Variants in MAPKAPK2 observed in about 807,000 individuals in gnomAD.
MAPKAPK2 encodes MAPK activated protein kinase 2, also known as MAP kinase-activated protein kinase 2.
Under a neutral mutation model 48.8 loss-of-function variants are expected in MAPKAPK2, and 9 were observed. The observed-to-expected ratio is 0.18, with a 90% CI of 0.11 to 0.32. The LOEUF (loss-of-function observed/expected upper bound fraction) is 0.32. MAPKAPK2 is among the 10% of genes least tolerant of loss of function. The pLI is 1.00. For missense variants in MAPKAPK2, 331 were observed against 498.3 expected (o/e 0.66, Z 3.20); for synonymous variants, 202 against 190.6 (o/e 1.06, Z -0.49).
intron 1 of MAPKAPK2, chr1:206,695,967 G>T: frequency 1.4e-6 from 1 of 723,224 alleles, no homozygotes; most frequent in Non-Finnish European, 2.6e-6. Flanking sequence ...AGGGGTCTTG[G>T]TTCTACTTCC....
chr1:206,685,156 G>C lies in MAPKAPK2; in HGVS notation c.-74G>C, dbSNP rs1343631282. On this transcript the variant is annotated 5_prime_UTR_variant, in exon 1 of 10. Transcript: ENST00000367103. The stretch of plus-strand genomic sequence containing the variant: ...ACTTCGCAGCCCGTCGGGGGGCGGC[G>C]GGGAGGGGGCCCGGAGCCGGAGGAG... 4.2e-6 allele frequency: 1 copy of C among 240,898 alleles called. No homozygotes were observed. The allele number at this position is 240,898 out of a possible 1,614,324, so 14.9% of individuals were successfully genotyped here. A position where few individuals can be genotyped will look rare whatever the true frequency, so the allele number is the denominator to read the frequency against.
In MAPKAPK2 at chr1:206,731,342, G is replaced by A. The variant is rs189335376; in HGVS notation, c.892+80G>A. The A allele has an allele frequency of 1.3e-5, 20 of 1,586,962 alleles. No homozygotes were observed. In the African/African-American group the frequency reaches 2.0e-4, roughly 16 times the overall value. ...TGTATGTGTGTACACGCAGACACAT[G>A]TATGGGCCTCCATCTCATGTGCGTG... On this transcript the variant is annotated intron_variant, in intron 7 of 9. Coordinates refer to ENST00000367103, the MANE Select transcript of MAPKAPK2 (RefSeq NM_032960.4). This position sits in a 1 kb window ranked among gnomAD's most constrained non-coding sequence, Gnocchi z 5.9.
chr1:206,715,668 C>A (rs1457605030), intron 1 of MAPKAPK2, among the ~76,000 whole-genome samples: 1 of 149,568 alleles, frequency 6.7e-6, no homozygotes, highest in Non-Finnish European at 1.5e-5. Flanking sequence ...ACTCTGTTGC[C>A]CAGGCTGAAG....
intron 1 of MAPKAPK2, among the ~76,000 whole-genome samples, chr1:206,719,842 C>A (rs1415065634): frequency 6.6e-6 from 1 of 152,218 alleles, no homozygotes; most frequent in Non-Finnish European, 1.5e-5. Context: ...GTGGCAGCAT[C>A]TTATTTCTTT....
At chr1:206,697,249 C>T (rs1008938139) in intron 1 of MAPKAPK2, among the ~76,000 whole-genome samples, 1 of 152,228 alleles carries the variant, frequency 6.6e-6, no homozygotes, top group Admixed American at 6.5e-5. Context: ...AGACACGGCA[C>T]AGACACACAG....
At chr1:206,695,271 G>A (rs1299492101) in intron 1 of MAPKAPK2, among the ~76,000 whole-genome samples, 1 of 152,158 alleles carries the variant, frequency 6.6e-6, no homozygotes, top group Admixed American at 6.5e-5. Context: ...CTAACTCTGA[G>A]AACCCTCAGC....
chr1:206,687,215 A>C (rs1257904039), intron 1 of MAPKAPK2, among the ~76,000 whole-genome samples: 1 of 152,264 alleles, frequency 6.6e-6, no homozygotes, highest in Non-Finnish European at 1.5e-5. Context: ...ACTTCAGAAC[A>C]AAAGCTCCCA....
intron 1 of MAPKAPK2, among the ~76,000 whole-genome samples, chr1:206,686,381 G>A (rs939718371): frequency 1.2e-4 from 19 of 152,236 alleles, no homozygotes; most frequent in Non-Finnish European, 2.4e-4. Context: ...GGGGTGTGGT[G>A]GTGGGGAGAA....
At chr1:206,708,199 A>G (rs1363327868) in intron 1 of MAPKAPK2, among the ~76,000 whole-genome samples, 4 of 152,232 alleles carry the variant, frequency 2.6e-5, no homozygotes, top group African/African-American at 4.8e-5. Flanking sequence ...GCCTTTTGCA[A>G]TTCTGCCCTC....
At position 206,729,433 on chromosome 1, in the gene MAPKAPK2, C is replaced by A. The variant is rs782222503; in HGVS notation, c.522C>A (p.Ile174=). Residue 174 remains isoleucine, a synonymous_variant, in exon 4 of 10, where the codon ATC becomes ATA. Transcript: ENST00000367103. ...SEIMKSIGEA[I]QYLHSINIAH... is the part of the protein sequence containing the mutation. ...TCATGAAGAGCATCGGTGAGGCCAT[C>A]CAGTATCTGCATTCAATCAACATTG... 4.3e-6 allele frequency: 7 copies of A among 1,614,148 alleles called. No homozygotes were observed. In the South Asian group the frequency reaches 5.5e-5, roughly 13 times the overall value.
At chr1:206,688,589 G>C (rs1553425878) in intron 1 of MAPKAPK2, among the ~76,000 whole-genome samples, 1 of 152,090 alleles carries the variant, frequency 6.6e-6, no homozygotes, top group African/African-American at 2.4e-5. Context: ...GTATTTGATA[G>C]GCACCTTACT....
At chr1:206,721,598 G>C (rs1673520039) in intron 1 of MAPKAPK2, among the ~76,000 whole-genome samples, 2 of 152,152 alleles carry the variant, frequency 1.3e-5, no homozygotes, top group Non-Finnish European at 1.5e-5. Flanking sequence ...CCTTACTGTG[G>C]GGTGGTGGAA....
At chr1:206,698,087 T>C (rs1161629181) in intron 1 of MAPKAPK2, among the ~76,000 whole-genome samples, 3 of 152,272 alleles carry the variant, frequency 2.0e-5, no homozygotes, top group African/African-American at 7.2e-5. Flanking sequence ...AGAGCCATCA[T>C]CTCTGTCCTC....
chr1:206,703,375 G>A (rs944001339), intron 1 of MAPKAPK2, among the ~76,000 whole-genome samples: 1 of 152,234 alleles, frequency 6.6e-6, no homozygotes, highest in African/African-American at 2.4e-5. Context: ...CTCTAGCCTT[G>A]AGAAGAGTTC....
intron 1 of MAPKAPK2, among the ~76,000 whole-genome samples, chr1:206,708,124 G>A (rs1243754157): frequency 6.6e-6 from 1 of 152,218 alleles, no homozygotes; most frequent in African/African-American, 2.4e-5. Flanking sequence ...TAAAGGTCTG[G>A]GTAGCAGCCT....
At position 206,734,061 on chromosome 1, in the gene MAPKAPK2, C is replaced by T. The variant is rs1674032231; in HGVS notation, c.*1343C>T. Reference sequence around the variant, plus strand: ...AGGCTGTCTGTGCCATGGCCCCCCACTCCCCCTTCCCTTGGAGGGAGAGGT... The same window carrying T: ...AGGCTGTCTGTGCCATGGCCCCCCATTCCCCCTTCCCTTGGAGGGAGAGGT... On this transcript the variant is annotated 3_prime_UTR_variant, in exon 10 of 10. Coordinates refer to ENST00000367103, the MANE Select transcript of MAPKAPK2 (RefSeq NM_032960.4). The T allele has an allele frequency of 6.5e-6, 1 of 152,682 alleles. No homozygotes were observed. The highest frequency in any genetic ancestry group is 6.5e-5 in the Admixed American group (1 of 15,286). 9.5% of individuals were successfully genotyped at this position (152,682 alleles called of 1,614,324 possible). A position where few individuals can be genotyped will look rare whatever the true frequency, so the allele number is the denominator to read the frequency against.
chr1:206,695,456 T>G (rs2102379213), intron 1 of MAPKAPK2, among the ~76,000 whole-genome samples: 1 of 147,912 alleles, frequency 6.8e-6, no homozygotes, highest in South Asian at 2.1e-4. Context: ...ATCTGTTTTT[T>G]TTTTTTTTTT....
At chr1:206,688,122 C>T (rs1672340723) in intron 1 of MAPKAPK2, among the ~76,000 whole-genome samples, 1 of 152,214 alleles carries the variant, frequency 6.6e-6, no homozygotes, top group Non-Finnish European at 1.5e-5. Flanking sequence ...GCTTTGACCT[C>T]ACCTCACCAT....
chr1:206,698,972 C>T (rs1672711502), intron 1 of MAPKAPK2, among the ~76,000 whole-genome samples: 1 of 152,156 alleles, frequency 6.6e-6, no homozygotes, highest in African/African-American at 2.4e-5. Context: ...TTTGTGACTC[C>T]ATTATAATTG....
Sources: gnomAD v4.1 joint callset for allele counts (sites outside exome capture counted in the v4.1 genomes callset) on GRCh38, gnomAD v4.1.1 for gene constraint, Gnocchi (gnomAD v3.1) non-coding constraint, MANE v1.5 for transcripts, NCBI Gene and HGNC (gene_info 2026-07-23, HGNC 2026-07-21) for gene names.